DNAH1: variants seen among roughly 807,000 people sequenced by gnomAD.
DNAH1 encodes axonemal beta dynein heavy chain 1.
In DNAH1, 327 loss-of-function variants were observed where a neutral mutation model predicts 484.3. That is an observed-to-expected ratio of 0.68 (90% confidence interval 0.62 to 0.74). The LOEUF is 0.74. Ranked by LOEUF, DNAH1 falls within the 30% of genes least tolerant of loss-of-function variation. The pLI is 0.00. For synonymous variants in DNAH1, 2,192 were observed against 2,191.9 expected, an observed-to-expected ratio of 1.00 and a Z score of 0.00; for missense variants, 5,052 against 5,546.8, an observed-to-expected ratio of 0.91 and a Z score of 2.83.
At position 52,388,793 on chromosome 3, in the gene DNAH1, G is replaced by C; in HGVS notation, c.9364-13G>C. On this transcript the variant is annotated splice_polypyrimidine_tract_variant and intron_variant, in intron 58 of 77. Transcript: ENST00000420323. ...AGCCTCCCAGAGCCCACCCCACGGG[G>C]CTGCCCCTCCAGCTCATCAACGGGC... 1.2e-6 allele frequency: 2 copies of C among 1,612,832 alleles called. No homozygotes were observed. Among genetic ancestry groups the C allele is most frequent in the African/African-American group, 2.7e-5 (2 of 75,056 alleles).
chr3:52,334,112 G>C (rs1701651639), intron 8 of DNAH1, among the ~76,000 whole-genome samples: 1 of 152,186 alleles, frequency 6.6e-6, no homozygotes. Flanking sequence ...TACTGACACA[G>C]ACCTTGATGA....
At position 52,347,987 on chromosome 3, in the gene DNAH1, GC is replaced by G. The variant is rs749754794; in HGVS notation, c.2106+15del. On this transcript the variant is annotated intron_variant, in intron 12 of 77. Transcript: ENST00000420323. ...CCAGCTGGAGAAGGTACGTGCTGCA[GC>G]CTGAGCAGGCCCCAGGCACCTGCTG... 6.3e-7 allele frequency: 1 copy of G among 1,597,972 alleles called. No individual in the cohort carries two copies. Among genetic ancestry groups the G allele is most frequent in the Non-Finnish European group, 8.5e-7 (1 of 1,172,096 alleles).
rs1702685636 is a variant in DNAH1, at chr3:52,357,925, A to G, written c.4008A>G (p.Leu1336=). 1 of 1,613,042 alleles carries G rather than the reference A, an allele frequency of 6.2e-7. No individual in the cohort carries two copies. The highest frequency in any genetic ancestry group is 1.3e-5 in the African/African-American group (1 of 74,918). The change falls in exon 24 of 78, where the codon CTA becomes CTG. Residue 1336 remains leucine, a synonymous_variant. Transcript: ENST00000420323. The part of the protein sequence containing the change: ...PRFYFLSDDE[L]LEILSQTKDP... ...TCTACTTCCTGTCAGATGATGAACTACTAGAGATCTTGTCGCAGACAAAGG... is the reference window on the plus strand; with the variant it reads ...TCTACTTCCTGTCAGATGATGAACTGCTAGAGATCTTGTCGCAGACAAAGG...
chr3:52,320,386 T>C lies in DNAH1; in HGVS notation c.-34-2023T>C, dbSNP rs139731287. ...CTAGGGGAGGCCGGGCAGGCCCGAC[T>C]GGCTGGAGGCAGGTCGGCCTTTGGG... On this transcript the variant is annotated intron_variant, in intron 1 of 77. Coordinates refer to ENST00000420323, the MANE Select transcript of DNAH1 (RefSeq NM_015512.5). Among the ~76,000 whole-genome samples, 591 of 152,372 alleles carry C rather than the reference T, an allele frequency of 3.9e-3. 5 individuals carry two copies. Among genetic ancestry groups the C allele is most frequent in the South Asian group, 0.023 (111 of 4,830 alleles).
chr3:52,332,944 G>A (rs1458474766), intron 8 of DNAH1, among the ~76,000 whole-genome samples: 2 of 151,956 alleles, frequency 1.3e-5, no homozygotes, highest in Non-Finnish European at 2.9e-5. Context: ...CTGGAGTGCA[G>A]TGGGGCCATC....
rs986780301 is a variant in DNAH1, at chr3:52,383,079, G to C, written c.7942-307G>C. Reference sequence around the variant, plus strand: ...GATGGGCAAGGACCTATCTCTGCCCGTGGCCATGGTTTCCTCTTGTGAGTA... The same window carrying C: ...GATGGGCAAGGACCTATCTCTGCCCCTGGCCATGGTTTCCTCTTGTGAGTA... On this transcript the variant is annotated intron_variant, in intron 50 of 77. Coordinates refer to ENST00000420323, the MANE Select transcript of DNAH1 (RefSeq NM_015512.5). 5.9e-5 allele frequency among the ~76,000 whole-genome samples: 9 copies of C among 152,316 alleles called. No individual in the cohort carries two copies. The East Asian group carries it at 1.5e-3, about 26-fold the overall frequency.
At chr3:52,328,153 A>G in intron 6 of DNAH1, 139 bp downstream of exon 6, 3 of 1,153,386 alleles carry the variant, frequency 2.6e-6, no homozygotes, top group South Asian at 1.6e-5. Flanking sequence ...AGACAGGCCT[A>G]GAAGCTGGCC....
chr3:52,345,111 C>T (rs1702091563), intron 9 of DNAH1, among the ~76,000 whole-genome samples: 1 of 152,236 alleles, frequency 6.6e-6, no homozygotes, highest in African/African-American at 2.4e-5. Flanking sequence ...GGGGTGTGGA[C>T]AGTGGGCATT....
Position 52,348,901 on chromosome 3 carries a change from A to AC in DNAH1, c.2121dup (p.Ile708HisfsTer6), listed in dbSNP as rs1459927253. The AC allele has an allele frequency of 6.2e-7, 1 of 1,612,876 alleles. No homozygotes were observed. ...TTCCCTCTGCAGCTGGTGATGGAGG[A>AC]CATCTTCATCAGCGGTGACCCCCTG... On this transcript the variant is annotated frameshift_variant, in exon 13 of 78. Transcript: ENST00000420323. LOFTEE classifies it high-confidence loss of function.
At chr3:52,343,419 G>A (rs1277137977) in intron 8 of DNAH1, among the ~76,000 whole-genome samples, 4 of 152,068 alleles carry the variant, frequency 2.6e-5, no homozygotes, top group African/African-American at 9.7e-5. Flanking sequence ...TGAAGATGGG[G>A]TCATTTCTGT....
Position 52,399,527 on chromosome 3 carries a change from G to C in DNAH1, c.12442-18G>C. On this transcript the variant is annotated intron_variant, in intron 76 of 77. Coordinates refer to ENST00000420323, the MANE Select transcript of DNAH1 (RefSeq NM_015512.5). ...GGGTATTGTTATGTGTGTGGGGTGT[G>C]TCTGTGTCTACCCACAGGTGATGTT... 2 of 1,586,736 alleles carry C rather than the reference G, an allele frequency of 1.3e-6. No homozygotes were observed. Among genetic ancestry groups the C allele is most frequent in the South Asian group, 1.1e-5 (1 of 88,692 alleles).
At chr3:52,316,310 AC>A (rs1306556698), upstream of DNAH1, 1 of 152,340 alleles carries the variant, frequency 6.6e-6, no homozygotes, top group African/African-American at 2.4e-5. Flanking sequence ...GTGCCTCTCT[AC>A]AGGCCAAGGG....
intron 41 of DNAH1, among the ~76,000 whole-genome samples, chr3:52,371,031 C>T (rs1703316571): frequency 6.6e-6 from 1 of 152,240 alleles, no homozygotes; most frequent in African/African-American, 2.4e-5. Context: ...CAGAGCTGTA[C>T]TTGAACCTAG....
At chr3:52,375,517 C>A in intron 45 of DNAH1, 104 bp downstream of exon 45, 2 of 1,275,970 alleles carry the variant, frequency 1.6e-6, no homozygotes, top group Non-Finnish European at 2.2e-6. Flanking sequence ...AGTGGCCAAA[C>A]CATGACCGCA....
intron 54 of DNAH1, 83 bp from the exon 55 acceptor site, chr3:52,386,077 C>T: frequency 4.1e-6 from 6 of 1,457,256 alleles, no homozygotes; most frequent in Non-Finnish European, 5.5e-6. Flanking sequence ...GAACAGGGCA[C>T]CCCAACTCTC....
chr3:52,390,886 C>T (rs1578197644), intron 60 of DNAH1, 49 bp from the exon 61 acceptor site: 1 of 1,549,052 alleles, frequency 6.5e-7, no homozygotes. Flanking sequence ...CCTCAGTGAC[C>T]CTGCTTGCAG....
rs748910346 is a variant in DNAH1 at position 52,350,087 on chromosome 3, G to T, written c.2625G>T (p.Pro875=). The change falls in exon 15 of 78, where the codon CCG becomes CCT. Residue 875 remains proline (P), a synonymous_variant. Coordinates refer to ENST00000420323, the MANE Select transcript of DNAH1 (RefSeq NM_015512.5). ...AELREWMKGI[P]ERLVGLEERI... The stretch of plus-strand genomic sequence containing the variant: ...TGCGAGAGTGGATGAAGGGCATCCC[G>T]GAGAGGCTGGTGGGCCTGGAGGTGA... The T allele has an allele frequency of 1.9e-6, 3 of 1,612,024 alleles. No individual in the cohort carries two copies. Among genetic ancestry groups the T allele is most frequent in the Non-Finnish European group, 2.5e-6 (3 of 1,179,560 alleles).
chr3:52,327,669 A>C (rs1701397384), intron 5 of DNAH1, among the ~76,000 whole-genome samples: 2 of 152,106 alleles, frequency 1.3e-5, no homozygotes, highest in Admixed American at 6.5e-5. Context: ...GATGCTGTGT[A>C]CCCCTGGGAG....
At chr3:52,369,766 C>T in intron 37 of DNAH1, 59 bp from the exon 38 acceptor site, 1 of 1,546,892 alleles carries the variant, frequency 6.5e-7, no homozygotes. Flanking sequence ...CCCTGCAGCC[C>T]TTTCTCCAGG....
Sources: allele counts gnomAD v4.1 joint callset (sites outside exome capture counted in the v4.1 genomes callset), GRCh38; gene constraint gnomAD v4.1.1; transcripts MANE v1.5; gene names NCBI Gene and HGNC (gene_info 2026-07-23, HGNC 2026-07-21).